The following TRPM7 variants were observed in gnomAD, a reference collection of about 807,000 sequenced individuals.
The protein encoded by TRPM7 is transient receptor potential cation channel subfamily M member 7, also known as LTRPC ion channel family member 7.
A neutral mutation model predicts 229.7 loss-of-function variants in TRPM7; 134 were observed. The ratio of observed to expected loss-of-function variants is 0.58; its 90% confidence interval spans 0.51 to 0.67. The LOEUF is 0.67. Ranked by LOEUF, TRPM7 falls within the 30% of genes least tolerant of loss-of-function variation. The pLI is 0.00. For missense variants in TRPM7, 1,901 were observed against 2,210.0 expected (o/e 0.86, Z 2.80); for synonymous variants, 699 against 715.2 (o/e 0.98, Z 0.36).
Position 50,594,501 on chromosome 15 carries a change from G to A in TRPM7, c.3403C>T (p.Leu1135Phe). 6.2e-7 allele frequency: 1 copy of A among 1,613,320 alleles called. No homozygotes were observed. Among genetic ancestry groups the A allele is most frequent in the Non-Finnish European group, 8.5e-7 (1 of 1,179,636 alleles). The change falls in exon 24 of 39, where the codon CTT (leucine) becomes TTT (phenylalanine). Residue 1135 changes from leucine to phenylalanine, a missense_variant. By Grantham distance (22) the Leu-to-Phe change is conservative (BLOSUM62 0). This residue lies in a region of TRPM7 where 533 missense variants were observed against 497.1 expected (regional missense o/e 1.07). Coordinates refer to ENST00000646667, the MANE Select transcript of TRPM7 (RefSeq NM_017672.6). ...CAAAACAGAGAAACTATATGGCTAA[G>A]AATGATAAGTGGAGGAGGCAGAACT... is the stretch of plus-strand genomic sequence containing the variant. Reference protein sequence around the residue: ...KPVLPPPLIILSHIVSLFCCI... With the variant: ...KPVLPPPLIIFSHIVSLFCCI...
chr15:50,577,464 T>C (rs2054190547), intron 31 of TRPM7, among the ~76,000 whole-genome samples: 1 of 152,036 alleles, frequency 6.6e-6, no homozygotes, highest in Non-Finnish European at 1.5e-5. Context: ...GGAGAACTGC[T>C]TGAACCTGGG....
At chr15:50,655,478 A>G (rs1405342474) in intron 3 of TRPM7, among the ~76,000 whole-genome samples, 4 of 151,898 alleles carry the variant, frequency 2.6e-5, no homozygotes. Flanking sequence ...TCAATCAGGT[A>G]AAAAATTTGA....
At chr15:50,571,822 T>C (rs1188568334) in intron 36 of TRPM7, among the ~76,000 whole-genome samples, 4 of 152,248 alleles carry the variant, frequency 2.6e-5, no homozygotes, top group Non-Finnish European at 5.9e-5. Context: ...TCGGTGAAGA[T>C]ACCGTGAACA....
At chr15:50,629,914 T>C (rs1030327958) in intron 10 of TRPM7, among the ~76,000 whole-genome samples, 1 of 145,374 alleles carries the variant, frequency 6.9e-6, no homozygotes, top group East Asian at 2.1e-4. Flanking sequence ...CAGGCTGTAG[T>C]GCAGTGGTGT....
At chr15:50,583,051 T>C (rs2054499161) in intron 29 of TRPM7, 38 bp downstream of exon 29, 3 of 1,406,942 alleles carry the variant, frequency 2.1e-6, no homozygotes, top group Non-Finnish European at 9.6e-7. Flanking sequence ...GTTTAATGTA[T>C]TTAATAATAT....
At chr15:50,670,465 G>C (rs1452176111) in intron 1 of TRPM7, among the ~76,000 whole-genome samples, 2 of 152,122 alleles carry the variant, frequency 1.3e-5, no homozygotes, top group Admixed American at 6.6e-5. Flanking sequence ...GATGGCAACA[G>C]AGTAGACCTC....
chr15:50,678,547 C>T (rs2062156026), intron 1 of TRPM7, among the ~76,000 whole-genome samples: 1 of 148,328 alleles, frequency 6.7e-6, no homozygotes, highest in Non-Finnish European at 1.5e-5. Context: ...TATATACACA[C>T]ACACACACAT....
Position 50,592,161 on chromosome 15 carries a change from A to C in TRPM7, c.4074T>G (p.Ser1358Arg), listed in dbSNP as rs1287365581. Residue 1358 changes from serine to arginine, a missense_variant, in exon 26 of 39, where the codon AGT (serine) becomes AGG (arginine). Coordinates refer to ENST00000646667, the MANE Select transcript of TRPM7 (RefSeq NM_017672.6). ...GTCGCAGTTCTGGAGGGGAAACAGC[A>C]CTTGGGAATAAGGCACCAGAAGAGG... The part of the protein sequence containing the change: ...AGSSSGALFP[S>R]AVSPPELRQR... The C allele has an allele frequency of 6.2e-7, 1 of 1,614,036 alleles. No individual in the cohort carries two copies. Among genetic ancestry groups the C allele is most frequent in the Non-Finnish European group, 8.5e-7 (1 of 1,179,976 alleles).
intron 28 of TRPM7, among the ~76,000 whole-genome samples, chr15:50,583,898 G>C (rs187203869): frequency 1.2e-4 from 19 of 152,108 alleles, no homozygotes; most frequent in South Asian, 2.1e-4. Context: ...CTACAGAACA[G>C]AGAAGATTTC....
chr15:50,584,958 C>T (rs2054614898), intron 28 of TRPM7, among the ~76,000 whole-genome samples: 1 of 152,110 alleles, frequency 6.6e-6, no homozygotes, highest in African/African-American at 2.4e-5. Flanking sequence ...TCACTGCAAC[C>T]TCCATCTCCT....
chr15:50,668,248 A>C (rs988210972), intron 1 of TRPM7, among the ~76,000 whole-genome samples: 9 of 152,216 alleles, frequency 5.9e-5, no homozygotes, highest in Admixed American at 2.0e-4. Flanking sequence ...GGAGGGCTGG[A>C]ATGTTCACGT....
intron 1 of TRPM7, among the ~76,000 whole-genome samples, chr15:50,664,226 A>T (rs1474653484): frequency 1.4e-5 from 2 of 146,598 alleles, no homozygotes; most frequent in Non-Finnish European, 3.0e-5. Context: ...TGAACCAGGG[A>T]GTGAACCAGG....
intron 12 of TRPM7, among the ~76,000 whole-genome samples, chr15:50,623,132 G>T (rs575151116): frequency 4.5e-4 from 68 of 151,966 alleles, no homozygotes; most frequent in African/African-American, 1.5e-3. Flanking sequence ...TTGCATTTTT[G>T]GCCGGGTGCA....
chr15:50,612,962 C>T (rs938960478), intron 15 of TRPM7, 133 bp from the exon 16 acceptor site: 2 of 747,212 alleles, frequency 2.7e-6, no homozygotes, highest in African/African-American at 1.8e-5. Flanking sequence ...ATTTTATAAA[C>T]TTGATTTTTA....
At chr15:50,638,971 C>A (rs550065998) in intron 6 of TRPM7, among the ~76,000 whole-genome samples, 6 of 152,158 alleles carry the variant, frequency 3.9e-5, no homozygotes, top group Non-Finnish European at 8.8e-5. Flanking sequence ...TGAGCCACTG[C>A]GCCCAGCCAG....
At chr15:50,629,669 GCT>G (rs1203741035) in intron 10 of TRPM7, among the ~76,000 whole-genome samples, 1 of 151,848 alleles carries the variant, frequency 6.6e-6, no homozygotes, top group Non-Finnish European at 1.5e-5. Flanking sequence ...ATTTTTAACA[GCT>G]CTTTTTGATC....
intron 17 of TRPM7, among the ~76,000 whole-genome samples, 195 bp downstream of exon 17, chr15:50,610,898 G>A (rs1167594636): frequency 3.3e-5 from 5 of 151,908 alleles, no homozygotes; most frequent in Non-Finnish European, 7.4e-5. Flanking sequence ...ACCTGAAAAG[G>A]ATTCAAAAGT....
chr15:50,572,260 T>A (rs1381939116), intron 36 of TRPM7, among the ~76,000 whole-genome samples: 1 of 152,158 alleles, frequency 6.6e-6, no homozygotes, highest in Non-Finnish European at 1.5e-5. Flanking sequence ...CACTCCAGCC[T>A]GGGCAACAGA....
At position 50,561,334 on chromosome 15, in the gene TRPM7, C is replaced by T. The variant is rs1205653803; in HGVS notation, c.*344G>A. ...CAGCTGCCAATAAAATCTGCATGGA[C>T]ACCTACCTTTGGTTAATGGTATTGT... On this transcript the variant is annotated 3_prime_UTR_variant, in exon 39 of 39. Transcript: ENST00000646667. 1 of 182,112 alleles carries T rather than the reference C, an allele frequency of 5.5e-6. No individual in the cohort carries two copies. Among genetic ancestry groups the T allele is most frequent in the Non-Finnish European group, 1.1e-5 (1 of 87,870 alleles). The allele number at this position is 182,112 out of a possible 1,614,324, so 11.3% of individuals were successfully genotyped here.
Sources: allele counts gnomAD v4.1 joint callset (sites outside exome capture counted in the v4.1 genomes callset), GRCh38; gene constraint gnomAD v4.1.1; regional missense constraint gnomAD v4.1.1; transcripts MANE v1.5; gene names NCBI Gene and HGNC (gene_info 2026-07-23, HGNC 2026-07-21).